SMAD1: variants seen among roughly 807,000 people sequenced by gnomAD.
SMAD1 encodes MAD, mothers against decapentaplegic homolog 1.
Under a neutral mutation model 41.6 loss-of-function variants are expected in SMAD1, and 6 were observed. The observed-to-expected ratio is 0.14, with a 90% CI of 0.08 to 0.28. SMAD1 has a LOEUF of 0.28. SMAD1 is among the 10% of genes least tolerant of loss of function. The pLI is 1.00. For synonymous variants in SMAD1, 206 were observed against 203.2 expected, an observed-to-expected ratio of 1.01 and a Z score of -0.12; for missense variants, 379 against 582.6, an observed-to-expected ratio of 0.65 and a Z score of 3.60.
In SMAD1 at chr4:145,558,726, AT is replaced by A. The variant is rs1732979378; in HGVS notation, c.*799del. 9.5e-6 allele frequency among the ~76,000 whole-genome samples: 1 copy of A among 104,902 alleles called. No individual in the cohort carries two copies. The highest frequency in any genetic ancestry group is 2.1e-4 in the East Asian group (1 of 4,702). The allele number at this position is 104,902 out of a possible 152,430, so 68.8% of individuals were successfully genotyped here. On this transcript the variant is annotated 3_prime_UTR_variant, in exon 7 of 7. Transcript: ENST00000302085. ...TTTCCATTTTTTAGAGATTTTTATC[AT>A]TTTTTTCTCTCTCGGCATTCTTTTT...
chr4:145,524,858 A>G (rs1208577332), intron 2 of SMAD1, among the ~76,000 whole-genome samples: 2 of 152,050 alleles, frequency 1.3e-5, no homozygotes, highest in African/African-American at 4.8e-5. Flanking sequence ...TTGTCATAAT[A>G]TTTTAAATTA....
chr4:145,524,768 C>T (rs1043447802), intron 2 of SMAD1, among the ~76,000 whole-genome samples: 1 of 139,290 alleles, frequency 7.2e-6, no homozygotes, highest in Non-Finnish European at 1.5e-5. Flanking sequence ...ACCAGCCAGC[C>T]AGCAGCTGTT....
chr4:145,531,485 G>T (rs777925981), intron 2 of SMAD1, among the ~76,000 whole-genome samples: 2 of 152,058 alleles, frequency 1.3e-5, no homozygotes. Flanking sequence ...CTTGTAGGTG[G>T]CCTCACTGAA....
intron 1 of SMAD1, among the ~76,000 whole-genome samples, chr4:145,503,610 C>G (rs545732644): frequency 2.6e-5 from 4 of 152,286 alleles, no homozygotes; most frequent in Non-Finnish European, 5.9e-5. Flanking sequence ...AATGCAGGCA[C>G]TTCACCTGTT....
At chr4:145,490,302 G>A (rs1728705305) in intron 1 of SMAD1, among the ~76,000 whole-genome samples, 1 of 152,186 alleles carries the variant, frequency 6.6e-6, no homozygotes, top group African/African-American at 2.4e-5. Flanking sequence ...TGAGAAGAAA[G>A]CATGTGGCAG....
chr4:145,491,100 G>GCATTT (rs1728745677), intron 1 of SMAD1, among the ~76,000 whole-genome samples: 1 of 152,120 alleles, frequency 6.6e-6, no homozygotes, highest in Non-Finnish European at 1.5e-5. Flanking sequence ...ACTTTTTATA[G>GCATTT]ATTTGATAGC....
chr4:145,496,071 A>G (rs1277253392), intron 1 of SMAD1, among the ~76,000 whole-genome samples: 1 of 152,074 alleles, frequency 6.6e-6, no homozygotes, highest in Non-Finnish European at 1.5e-5. Context: ...AGCTCTTTAG[A>G]TTAAAGTGAA....
At chr4:145,530,514 C>T (rs1241675522) in intron 2 of SMAD1, among the ~76,000 whole-genome samples, 1 of 152,086 alleles carries the variant, frequency 6.6e-6, no homozygotes, top group Non-Finnish European at 1.5e-5. Flanking sequence ...AAGTTGGATT[C>T]TCAGAAGTTG....
At chr4:145,509,727 A>T (rs1052531493) in intron 1 of SMAD1, among the ~76,000 whole-genome samples, 1 of 152,062 alleles carries the variant, frequency 6.6e-6, no homozygotes, top group South Asian at 2.1e-4. Flanking sequence ...CAATAGGTAC[A>T]CTCTGACCAA....
rs117258212 is a variant in SMAD1, at chr4:145,548,129, T to A, written c.997+1205T>A. 2.2e-3 allele frequency among the ~76,000 whole-genome samples: 337 copies of A among 152,306 alleles called. 8 individuals carry two copies. In the East Asian group the frequency reaches 0.048, roughly 22 times the overall value. ...ATGGGGCATGCCTCAGGAGCCAACT[T>A]AGAGGGCCTTCCACTGGCCAACTCT... On this transcript the variant is annotated intron_variant, in intron 5 of 6. Coordinates refer to ENST00000302085, the MANE Select transcript of SMAD1 (RefSeq NM_005900.3).
chr4:145,550,971 A>C (rs1198081160), intron 5 of SMAD1, among the ~76,000 whole-genome samples: 2 of 152,236 alleles, frequency 1.3e-5, no homozygotes, highest in Non-Finnish European at 2.9e-5. Context: ...TTTAATTTAT[A>C]ATTTAAAACA....
At chr4:145,484,070 T>A (rs1728342269) in intron 1 of SMAD1, among the ~76,000 whole-genome samples, 1 of 152,254 alleles carries the variant, frequency 6.6e-6, no homozygotes, top group Non-Finnish European at 1.5e-5. Context: ...AAAAACTAAA[T>A]TTCACTTTGT....
At chr4:145,506,420 TC>T (rs747213150) in intron 1 of SMAD1, among the ~76,000 whole-genome samples, 8 of 152,132 alleles carry the variant, frequency 5.3e-5, no homozygotes, top group Non-Finnish European at 1.0e-4. Context: ...TGGATTTTTT[TC>T]CCCCAGTCAC....
intron 2 of SMAD1, among the ~76,000 whole-genome samples, chr4:145,530,966 A>G (rs1265508825): frequency 6.6e-6 from 1 of 152,218 alleles, no homozygotes; most frequent in Non-Finnish European, 1.5e-5. Context: ...AGTGATAGAC[A>G]CTTTTCCCAA....
chr4:145,512,070 A>G (rs143360281), intron 1 of SMAD1, among the ~76,000 whole-genome samples: 3 of 152,350 alleles, frequency 2.0e-5, no homozygotes, highest in African/African-American at 7.2e-5. Flanking sequence ...GTTTGGCACT[A>G]ATGATGTCAT....
At chr4:145,515,471 T>A (rs1471164221) in intron 2 of SMAD1, among the ~76,000 whole-genome samples, 1 of 152,176 alleles carries the variant, frequency 6.6e-6, no homozygotes, top group Non-Finnish European at 1.5e-5. Flanking sequence ...TGAGGGTAGT[T>A]GCCAGTGACT....
chr4:145,535,118 A>T (rs1731539672), intron 2 of SMAD1, among the ~76,000 whole-genome samples: 3 of 152,218 alleles, frequency 2.0e-5, no homozygotes, highest in Admixed American at 6.5e-5. Context: ...ATCAACTTTC[A>T]CTATAAGAGA....
chr4:145,549,259 A>G (rs969139417), intron 5 of SMAD1, among the ~76,000 whole-genome samples: 2 of 152,220 alleles, frequency 1.3e-5, no homozygotes, highest in African/African-American at 4.8e-5. Context: ...CAAAACTGGA[A>G]TATGAATGGT....
chr4:145,506,940 AAATT>A (rs1363895283), intron 1 of SMAD1, among the ~76,000 whole-genome samples: 2 of 152,178 alleles, frequency 1.3e-5, no homozygotes, highest in East Asian at 3.8e-4. Flanking sequence ...ATAAGTTGGA[AAATT>A]AATTAGCCGT....
Sources: allele counts gnomAD v4.1 joint callset (sites outside exome capture counted in the v4.1 genomes callset), GRCh38; gene constraint gnomAD v4.1.1; transcripts MANE v1.5; gene names NCBI Gene and HGNC (gene_info 2026-07-23, HGNC 2026-07-21).